The following GRM8 variants were observed in gnomAD, a reference collection of about 807,000 sequenced individuals.
GRM8 encodes the protein glutamate metabotropic receptor 8.
A neutral mutation model predicts 87.2 loss-of-function variants in GRM8; 47 were observed. The ratio of observed to expected loss-of-function variants is 0.54; its 90% CI spans 0.43 to 0.69. GRM8 has a LOEUF of 0.69. Ranked by LOEUF, GRM8 falls within the 30% of genes least tolerant of loss-of-function variation. The probability of loss-of-function intolerance (pLI) is 0.00; values close to 1 mark genes in which losing one functional copy is unlikely to be tolerated. For synonymous variants in GRM8, 396 were observed against 404.5 expected (o/e 0.98, Z 0.25); for missense variants, 1,019 against 1,139.2 (o/e 0.89, Z 1.52).
intron 1 of GRM8, among the ~76,000 whole-genome samples, chr7:127,248,168 T>G (rs1344723897): frequency 6.6e-6 from 1 of 152,208 alleles, no homozygotes; most frequent in Non-Finnish European, 1.5e-5. Context: ...AAGCTACTTT[T>G]TATAATATGT....
At chr7:126,672,259 C>A (rs1806461272) in intron 7 of GRM8, among the ~76,000 whole-genome samples, 1 of 152,172 alleles carries the variant, frequency 6.6e-6, no homozygotes, top group Admixed American at 6.5e-5. Context: ...CCCATGGTGG[C>A]ATCTGCCGAG....
intron 2 of GRM8, among the ~76,000 whole-genome samples, chr7:127,211,662 T>C (rs1403461358): frequency 2.0e-5 from 3 of 152,198 alleles, no homozygotes; most frequent in Admixed American, 6.5e-5. Flanking sequence ...CTGGGATTAC[T>C]GCCCTTTTAA....
intron 7 of GRM8, among the ~76,000 whole-genome samples, chr7:126,659,684 T>C (rs532994102): frequency 2.0e-5 from 3 of 152,358 alleles, no homozygotes; most frequent in African/African-American, 7.2e-5. Context: ...TTTCATTTTA[T>C]TCTTAAAACA....
intron 6 of GRM8, among the ~76,000 whole-genome samples, chr7:126,844,002 T>C (rs1239773027): frequency 6.6e-6 from 1 of 152,232 alleles, no homozygotes; most frequent in Non-Finnish European, 1.5e-5. Context: ...CAACCAGCAC[T>C]CACTCACTGT....
intron 2 of GRM8, among the ~76,000 whole-genome samples, chr7:127,143,015 T>A (rs1407969249): frequency 6.6e-6 from 1 of 152,130 alleles, no homozygotes; most frequent in African/African-American, 2.4e-5. Flanking sequence ...ATAATCATCC[T>A]TCCACAGTGG....
intron 7 of GRM8, among the ~76,000 whole-genome samples, chr7:126,695,914 T>G (rs969137358): frequency 1.3e-5 from 2 of 151,860 alleles, no homozygotes; most frequent in African/African-American, 4.8e-5. Flanking sequence ...GTAGAGAGAG[T>G]GTTTCTGAAG....
At chr7:127,202,097 CTTG>C (rs1208697202) in intron 2 of GRM8, among the ~76,000 whole-genome samples, 2 of 151,892 alleles carry the variant, frequency 1.3e-5, no homozygotes, top group African/African-American at 4.8e-5. Context: ...CATGTATATA[CTTG>C]TGTATGTGAT....
At chr7:127,105,191 T>C (rs1240603257) in intron 3 of GRM8, 1 of 152,212 alleles carries the variant, frequency 6.6e-6, no homozygotes, top group African/African-American at 2.4e-5. Context: ...GAAGATAATA[T>C]AATTTGTCAT....
intron 9 of GRM8, among the ~76,000 whole-genome samples, chr7:126,476,967 C>T (rs1805984841): frequency 6.6e-6 from 1 of 151,946 alleles, no homozygotes; most frequent in African/African-American, 2.4e-5. Flanking sequence ...TTCACAATAG[C>T]AGAGATATGG....
chr7:126,733,917 TA>T (rs1319153613), intron 7 of GRM8, among the ~76,000 whole-genome samples: 1 of 151,866 alleles, frequency 6.6e-6, no homozygotes, highest in Non-Finnish European at 1.5e-5. Context: ...GTAAAAGAAA[TA>T]AGAATAAAAA....
At chr7:126,463,694 CA>C (rs1358921338) in intron 9 of GRM8, among the ~76,000 whole-genome samples, 1 of 151,606 alleles carries the variant, frequency 6.6e-6, no homozygotes, top group East Asian at 1.9e-4. Context: ...TATATAACAG[CA>C]TTTCCAAAAG....
intron 6 of GRM8, among the ~76,000 whole-genome samples, chr7:126,880,448 C>T (rs906759539): frequency 1.3e-5 from 2 of 152,062 alleles, no homozygotes; most frequent in Non-Finnish European, 2.9e-5. Flanking sequence ...ATAGATTGAA[C>T]TAAAATTAGC....
At position 126,790,047 on chromosome 7, in the gene GRM8, G is replaced by A. The variant is rs139831576; in HGVS notation, c.1157-19982C>T. Among the ~76,000 whole-genome samples the A allele has an allele frequency of 4.4e-3, 651 of 148,792 alleles. 16 individuals carry two copies. Among genetic ancestry groups the A allele is most frequent in the Admixed American group, 0.037 (551 of 14,916 alleles). The stretch of plus-strand genomic sequence containing the variant: ...TTTTGGACAGAGTTTCGCTCTTGTC[G>A]CCCAGGCTGGAGTGCAATGGCACAA... On this transcript the variant is annotated intron_variant, in intron 6 of 10. Coordinates refer to ENST00000339582, the MANE Select transcript of GRM8 (RefSeq NM_000845.3).
At chr7:127,100,375 T>G (rs759898690) in intron 3 of GRM8, among the ~76,000 whole-genome samples, 1 of 152,148 alleles carries the variant, frequency 6.6e-6, no homozygotes, top group African/African-American at 2.4e-5. Context: ...ATTGAAGTCT[T>G]CTTCAAAGGA....
intron 2 of GRM8, among the ~76,000 whole-genome samples, chr7:127,237,870 TA>T (rs1798067117): frequency 6.6e-6 from 1 of 152,244 alleles, no homozygotes; most frequent in Admixed American, 6.5e-5. Flanking sequence ...ATTTTTAACT[TA>T]GAATATTCAA....
chr7:126,913,328 A>C (rs1275565653), intron 3 of GRM8, among the ~76,000 whole-genome samples: 1 of 152,262 alleles, frequency 6.6e-6, no homozygotes, highest in Non-Finnish European at 1.5e-5. Context: ...TGTTAGAGCT[A>C]CACGACAGAC....
Position 126,832,346 on chromosome 7 carries a change from G to A in GRM8, c.1157-62281C>T, listed in dbSNP as rs145403979. On this transcript the variant is annotated intron_variant, in intron 6 of 10. Coordinates refer to ENST00000339582, the MANE Select transcript of GRM8 (RefSeq NM_000845.3). ...AGCTAGGAATGTGCACTCAAACATC[G>A]TCTTACTTGTCTTAACAACTCATTG... Among the ~76,000 whole-genome samples the A allele has an allele frequency of 1.8e-3, 280 of 152,002 alleles. 1 individual carries two copies. Among genetic ancestry groups the A allele is most frequent in the African/African-American group, 5.2e-3 (214 of 41,428 alleles).
intron 3 of GRM8, among the ~76,000 whole-genome samples, chr7:126,919,947 A>G (rs562874016): frequency 6.6e-6 from 1 of 152,280 alleles, no homozygotes; most frequent in East Asian, 1.9e-4. Flanking sequence ...GAACACATTC[A>G]TTTACCTCCA....
intron 6 of GRM8, among the ~76,000 whole-genome samples, chr7:126,825,755 A>G (rs1396061591): frequency 6.6e-6 from 1 of 152,154 alleles, no homozygotes; most frequent in Non-Finnish European, 1.5e-5. Context: ...GTTTTAGGGT[A>G]CAGGTGCACA....
Sources: allele counts gnomAD v4.1 joint callset (sites outside exome capture counted in the v4.1 genomes callset), GRCh38; gene constraint gnomAD v4.1.1; transcripts MANE v1.5; gene names NCBI Gene and HGNC (gene_info 2026-07-23, HGNC 2026-07-21).